The following INTS1 variants were observed in gnomAD, a reference collection of about 807,000 sequenced individuals.
The protein encoded by INTS1 is integrator complex subunit 1.
INTS1 carries 137 observed loss-of-function variants against 241.6 expected under a neutral mutation model. That is an observed-to-expected ratio of 0.57 (90% CI 0.49 to 0.65). The LOEUF is 0.65. Among genes scored for constraint, INTS1 ranks in the 30% least tolerant of loss-of-function variants. The probability of loss-of-function intolerance (pLI) is 0.00; values close to 1 mark genes in which losing one functional copy is unlikely to be tolerated. For missense variants in INTS1, 3,073 were observed against 3,032.2 expected (o/e 1.01, Z -0.32); for synonymous variants, 1,692 against 1,337.8 (o/e 1.26, Z -5.78).
Position 1,481,422 on chromosome 7 carries a change from C to A in INTS1, c.3770G>T (p.Ser1257Ile). The stretch of plus-strand genomic sequence containing the variant: ...CAGGAACTGGAGGAGTTTGCTCATG[C>A]TGGACACGGGGATGCCAAACGACTG... ...FVQSFGIPVS[S>I]MSKLLQFLDQ... Residue 1257 changes from serine (S) to isoleucine (I), a missense_variant, in exon 28 of 48, where the codon AGC becomes ATC. Coordinates refer to ENST00000404767, the MANE Select transcript of INTS1 (RefSeq NM_001080453.3). This position sits in a 1 kb window ranked among gnomAD's most constrained non-coding sequence, Gnocchi z 6.8. 6.2e-7 allele frequency: 1 copy of A among 1,612,886 alleles called. No homozygotes were observed. The highest frequency in any genetic ancestry group is 8.5e-7 in the Non-Finnish European group (1 of 1,179,756).
chr7:1,497,777 T>G lies in INTS1; in HGVS notation c.1426-463A>C, dbSNP rs7789285. Among the ~76,000 whole-genome samples, 81,027 of 151,472 alleles carry G rather than the reference T, an allele frequency of 0.53. 23,406 individuals carry two copies. The highest frequency in any genetic ancestry group is 0.77 in the African/African-American group (31,737 of 41,294). On this transcript the variant is annotated intron_variant, in intron 10 of 47. Transcript: ENST00000404767. The surrounding 1 kb of genome is among the most constrained non-coding windows in gnomAD (Gnocchi z 5.3). ...GCTGTGCCTCCCTCGTGTTTCACAC[T>G]CCATAGAGCCCACCGGGAGGCCTAA...
chr7:1,498,929 T>G (rs777987095), intron 8 of INTS1, 46 bp downstream of exon 8: 28 of 1,482,474 alleles, frequency 1.9e-5, no homozygotes, highest in Non-Finnish European at 2.5e-5. Context: ...ACACAGAGCC[T>G]GCCCCCACCC....
At chr7:1,483,137 G>C (rs544650629) in intron 26 of INTS1, 7 of 214,682 alleles carry the variant, frequency 3.3e-5, no homozygotes, top group Middle Eastern at 1.8e-3. Context: ...CCTCCCAACA[G>C]GGGTCACCAC....
chr7:1,482,942 C>T lies in INTS1; in HGVS notation c.3542-235G>A, dbSNP rs969917610. 5.2e-5 allele frequency: 29 copies of T among 554,570 alleles called. 1 individual carries two copies. Among genetic ancestry groups the T allele is most frequent in the African/African-American group, 4.0e-4 (21 of 52,710 alleles). 34.4% of individuals were successfully genotyped at this position (554,570 alleles called of 1,614,324 possible). ...GCAAGCAGCATCACTGCCATTTTGT[C>T]GTGGCCAAGGGGACATGTGCGTGTC... On this transcript the variant is annotated intron_variant, in intron 26 of 47. Transcript: ENST00000404767.
At chr7:1,480,044 C>T (rs957451591) in intron 30 of INTS1, among the ~76,000 whole-genome samples, 1 of 152,230 alleles carries the variant, frequency 6.6e-6, no homozygotes, top group South Asian at 2.1e-4. Flanking sequence ...CCGGGTGCCC[C>T]GCGCAGAGGG....
Position 1,474,326 on chromosome 7 carries a change from GGCCGTGCAGGAGCGCCGC to G in INTS1, c.5653_5670del (p.Ala1885_Gly1890del). 1 of 1,606,158 alleles carries G rather than the reference GGCCGTGCAGGAGCGCCGC, an allele frequency of 6.2e-7. No homozygotes were observed. On this transcript the variant is annotated inframe_deletion, in exon 41 of 48. Coordinates refer to ENST00000404767, the MANE Select transcript of INTS1 (RefSeq NM_001080453.3). ...AACTCCTGGAAGTTGAGGTGGGTGCGGCCGTGCAGGAGCGCCGCGATCATGGGCAGGTGCCTGCGGGCG... is the reference window on the plus strand; with the variant it reads ...AACTCCTGGAAGTTGAGGTGGGTGCGGATCATGGGCAGGTGCCTGCGGGCG...
chr7:1,485,128 C>A lies in INTS1; in HGVS notation c.3231G>T (p.Glu1077Asp). 6.2e-7 allele frequency: 1 copy of A among 1,601,080 alleles called. No homozygotes were observed. The highest frequency in any genetic ancestry group is 8.5e-7 in the Non-Finnish European group (1 of 1,179,484). Residue 1077 changes from glutamate to aspartate, a missense_variant, in exon 24 of 48, where the codon GAG (glutamate) becomes GAT (aspartate). By Grantham distance (45) the Glu-to-Asp change is conservative. Coordinates refer to ENST00000404767, the MANE Select transcript of INTS1 (RefSeq NM_001080453.3). ...LIYLSQHTPV[E>D]EQAQHSDLAL... ...CCAGGTCGCTGTGCTGGGCCTGCTC[C>A]TCCACAGGCGTGTGCTGGGACAAGT... is the stretch of plus-strand genomic sequence containing the variant.
chr7:1,481,645 G>A lies in INTS1; in HGVS notation c.3704-157C>T, dbSNP rs558556530. ...GACCCCACCCAAGACCTGGGGCAGTGCACACTCGGCAGCCCCACCTGAGAC... is the reference window on the plus strand; with the variant it reads ...GACCCCACCCAAGACCTGGGGCAGTACACACTCGGCAGCCCCACCTGAGAC... On this transcript the variant is annotated intron_variant, in intron 27 of 47. Coordinates refer to ENST00000404767, the MANE Select transcript of INTS1 (RefSeq NM_001080453.3). The surrounding 1 kb of genome is among the most constrained non-coding windows in gnomAD (Gnocchi z 6.8). 4.1e-5 allele frequency among the ~76,000 whole-genome samples: 6 copies of A among 147,108 alleles called. No individual in the cohort carries two copies. Among genetic ancestry groups the A allele is most frequent in the African/African-American group, 2.5e-5 (1 of 39,676 alleles).
intron 16 of INTS1, among the ~76,000 whole-genome samples, chr7:1,492,777 C>A (rs1782627933): frequency 6.6e-6 from 1 of 152,164 alleles, no homozygotes; most frequent in African/African-American, 2.4e-5. Context: ...AGTGGCCTCA[C>A]TGGTCTCTGG....
chr7:1,491,505 TA>T (rs1363112561), intron 16 of INTS1, among the ~76,000 whole-genome samples: 4 of 152,166 alleles, frequency 2.6e-5, no homozygotes, highest in African/African-American at 9.7e-5. Context: ...AACACAGAAT[TA>T]AATCTCCACA....
chr7:1,502,808 G>C lies in INTS1; in HGVS notation c.349+93C>G, dbSNP rs1783254633. ...TCTCCCAAAGGACCTCGGCCATACGGGCAGCACTAGGCCTGGAGGGGGCCT... is the reference window on the plus strand; with the variant it reads ...TCTCCCAAAGGACCTCGGCCATACGCGCAGCACTAGGCCTGGAGGGGGCCT... On this transcript the variant is annotated intron_variant, in intron 3 of 47. Transcript: ENST00000404767. The C allele has an allele frequency of 2.2e-6, 3 of 1,385,214 alleles. No individual in the cohort carries two copies. The East Asian group carries it at 6.9e-5, about 32-fold the overall frequency. The allele number at this position is 1,385,214 out of a possible 1,614,324, so 85.8% of individuals were successfully genotyped here.
intron 18 of INTS1, 83 bp from the exon 19 acceptor site, chr7:1,488,040 T>A: frequency 2.1e-6 from 3 of 1,431,148 alleles, no homozygotes; most frequent in Non-Finnish European, 2.9e-6. Flanking sequence ...TCAAGGAGGG[T>A]AAAACCCCTA....
Position 1,495,489 on chromosome 7 carries a change from C to T in INTS1, c.1776G>A (p.Trp592Ter). The stretch of plus-strand genomic sequence containing the variant: ...TGATGGAGGGGACCACAGTGTGGAG[C>T]CACCAGACGGCATCCCGCTGGATGG... ...IAAIQRDAVW[W>*]LHTVVPSISK... The change falls in exon 13 of 48, where the codon TGG becomes TGA. Residue 592 changes from tryptophan to a stop codon, truncating the protein, a stop_gained. Transcript: ENST00000404767. LOFTEE classifies it high-confidence loss of function. 1 of 1,612,648 alleles carries T rather than the reference C, an allele frequency of 6.2e-7. No homozygotes were observed. The highest frequency in any genetic ancestry group is 8.5e-7 in the Non-Finnish European group (1 of 1,179,712).
rs758827408 is a variant in INTS1, at chr7:1,486,644, G to A, written c.2957C>T (p.Ser986Phe). Reference sequence around the variant, plus strand: ...CCTCACCTTCATGGCCAGCACGCGGGAGGCCACCTGGGAGGAGCCGAGGCG... The same window carrying A: ...CCTCACCTTCATGGCCAGCACGCGGAAGGCCACCTGGGAGGAGCCGAGGCG... ...LRRLGSSQVA[S>F]RVLAMKGLSL... Residue 986 changes from serine (S) to phenylalanine (F), a missense_variant, in exon 22 of 48, where the codon TCC becomes TTC. Physicochemically the swap from Ser to Phe is radical, Grantham distance 155. Coordinates refer to ENST00000404767, the MANE Select transcript of INTS1 (RefSeq NM_001080453.3). 3 of 1,612,038 alleles carry A rather than the reference G, an allele frequency of 1.9e-6. No individual in the cohort carries two copies. Among genetic ancestry groups the A allele is most frequent in the Non-Finnish European group, 2.5e-6 (3 of 1,179,554 alleles).
In INTS1 at chr7:1,485,371, G is replaced by A. The variant is rs1446262693; in HGVS notation, c.3075C>T (p.Gly1025=). 6.8e-6 allele frequency: 11 copies of A among 1,612,558 alleles called. No individual in the cohort carries two copies. Among genetic ancestry groups the A allele is most frequent in the East Asian group, 4.5e-5 (2 of 44,902 alleles). ...GCAGGTCCCGCAGCAGCCACTGATA[G>A]CCCTGCAGCACATCTGTGTCCCCCA... ...EDVGDTDVLQ[G]YQWLLRDLPR... The change falls in exon 23 of 48, where the codon GGC becomes GGT. Residue 1025 remains glycine (G), a synonymous_variant. Transcript: ENST00000404767.
Position 1,489,661 on chromosome 7 carries a change from G to A in INTS1, c.2187C>T (p.Ala729=). 6.4e-7 allele frequency: 1 copy of A among 1,568,228 alleles called. No individual in the cohort carries two copies. The highest frequency in any genetic ancestry group is 2.3e-5 in the East Asian group (1 of 43,318). Residue 729 remains alanine, a synonymous_variant, in exon 17 of 48, where the codon GCC becomes GCT. Coordinates refer to ENST00000404767, the MANE Select transcript of INTS1 (RefSeq NM_001080453.3). ...LPPGYQPPNL[A]ISTLYWKAWP... The stretch of plus-strand genomic sequence containing the variant: ...AGGCCTTCCAGTAGAGGGTAGAGAT[G>A]GCGAGGTTCGGAGGCTGGTACCTGG...
intron 18 of INTS1, among the ~76,000 whole-genome samples, chr7:1,488,468 G>A (rs552394176): frequency 3.3e-5 from 5 of 152,184 alleles, no homozygotes; most frequent in African/African-American, 9.6e-5. Context: ...CTTCAGAGGT[G>A]GGGGGAAGCA....
rs574453727 is a variant in INTS1 at position 1,474,342 on chromosome 7, C to G, written c.5655G>C (p.Ala1885=). ...GGTGGGTGCGGCCGTGCAGGAGCGC[C>G]GCGATCATGGGCAGGTGCCTGCGGG... ...LLLLRHLPMI[A]ALLHGRTHLN... Residue 1885 remains alanine (A), a synonymous_variant, in exon 41 of 48, where the codon GCG becomes GCC. Coordinates refer to ENST00000404767, the MANE Select transcript of INTS1 (RefSeq NM_001080453.3). 8 of 1,601,154 alleles carry G rather than the reference C, an allele frequency of 5.0e-6. No individual in the cohort carries two copies. The highest frequency in any genetic ancestry group is 1.3e-5 in the African/African-American group (1 of 74,426).
rs1323720057 is a variant in INTS1, at chr7:1,470,596, T to G, written c.6554A>C (p.His2185Pro). 1.3e-6 allele frequency: 2 copies of G among 1,576,104 alleles called. No homozygotes were observed. Among genetic ancestry groups the G allele is most frequent in the Non-Finnish European group, 1.7e-6 (2 of 1,161,908 alleles). The part of the protein sequence containing the change: ...AQISEALRIL[H>P]MEAVM ...ACAGGCTCACATCACGGCCTCCATA[T>G]GCAGGATCCTCAGGGCCTCGGAGAT... Residue 2185 changes from histidine to proline, a missense_variant, in exon 48 of 48, where the codon CAT (histidine) becomes CCT (proline). Coordinates refer to ENST00000404767, the MANE Select transcript of INTS1 (RefSeq NM_001080453.3).
Sources: allele counts gnomAD v4.1 joint callset (sites outside exome capture counted in the v4.1 genomes callset), GRCh38; gene constraint gnomAD v4.1.1; non-coding constraint Gnocchi (gnomAD v3.1); transcripts MANE v1.5; gene names NCBI Gene and HGNC (gene_info 2026-07-23, HGNC 2026-07-21).